NEDD4L: variants seen among roughly 807,000 people sequenced by gnomAD.
NEDD4L encodes the protein NEDD4 like E3 ubiquitin protein ligase, also known as E3 ubiquitin-protein ligase NEDD4-like.
A neutral mutation model predicts 148.9 loss-of-function variants in NEDD4L; 54 were observed. That is an observed-to-expected ratio of 0.36 (90% CI 0.29 to 0.45). The LOEUF (loss-of-function observed/expected upper bound fraction) is 0.45, where lower values mean the gene tolerates loss of function less well. Ranked by LOEUF, NEDD4L falls within the 20% of genes least tolerant of loss-of-function variation. NEDD4L has a pLI of 1.00. For synonymous variants in NEDD4L, 433 were observed against 440.7 expected, an observed-to-expected ratio of 0.98 and a Z score of 0.22; for missense variants, 856 against 1,233.8, an observed-to-expected ratio of 0.69 and a Z score of 4.59.
At chr18:58,306,811 T>C (rs1219213678) in intron 5 of NEDD4L, among the ~76,000 whole-genome samples, 2 of 152,072 alleles carry the variant, frequency 1.3e-5, no homozygotes, top group South Asian at 2.1e-4. Context: ...TTTTTAGTAC[T>C]TTAGTACAGA....
chr18:58,176,908 T>C (rs578149242), intron 2 of NEDD4L, among the ~76,000 whole-genome samples: 6 of 152,286 alleles, frequency 3.9e-5, no homozygotes, highest in African/African-American at 9.6e-5. Context: ...GTCTGACACA[T>C]AGATGTTTGA....
intron 1 of NEDD4L, chr18:58,165,515 TA>T (rs1272456696): frequency 6.8e-6 from 2 of 292,386 alleles, no homozygotes; most frequent in Admixed American, 1.3e-4. Context: ...AAGCTAACTT[TA>T]AATGGCAGGA....
Position 58,204,601 on chromosome 18 carries a change from T to C in NEDD4L, c.122+38740T>C, listed in dbSNP as rs1007381645. ...CCAACCAAATGAATGAGCAGGCGTC[T>C]AAGTAAATGAAAATCACTCTCATCA... On this transcript the variant is annotated intron_variant, in intron 2 of 30. Coordinates refer to ENST00000400345, the MANE Select transcript of NEDD4L (RefSeq NM_001144967.3). 4.6e-5 allele frequency among the ~76,000 whole-genome samples: 7 copies of C among 152,318 alleles called. No individual in the cohort carries two copies. In the South Asian group the frequency reaches 1.5e-3, roughly 32 times the overall value.
chr18:58,349,729 T>A (rs1414389685), intron 17 of NEDD4L, 115 bp downstream of exon 17: 1 of 789,548 alleles, frequency 1.3e-6, no homozygotes, highest in Non-Finnish European at 2.1e-6. Context: ...TGGATCTCAT[T>A]GGTTTGTGTT....
intron 2 of NEDD4L, among the ~76,000 whole-genome samples, chr18:58,226,613 G>T (rs182752033): frequency 1.3e-5 from 2 of 152,176 alleles, no homozygotes; most frequent in East Asian, 3.8e-4. Context: ...GTGAGCAGGG[G>T]CATGAGTTCC....
intron 23 of NEDD4L, 84 bp from the exon 24 acceptor site, chr18:58,373,090 A>G: frequency 1.3e-6 from 1 of 756,270 alleles, no homozygotes; most frequent in Non-Finnish European, 2.4e-6. Flanking sequence ...GCACAGAATT[A>G]CATTAGAATG....
chr18:58,265,224 T>C (rs1600431865), intron 5 of NEDD4L, among the ~76,000 whole-genome samples: 2 of 152,210 alleles, frequency 1.3e-5, no homozygotes, highest in Admixed American at 1.3e-4. Context: ...GGTGGTCATA[T>C]TGGCTCCAAA....
chr18:58,154,695 G>A (rs1406454345), intron 1 of NEDD4L, among the ~76,000 whole-genome samples: 3 of 152,214 alleles, frequency 2.0e-5, no homozygotes, highest in African/African-American at 4.8e-5. Context: ...GCTGAGGCAC[G>A]AGAATCGCTT....
chr18:58,386,922 G>T (rs1050629377), intron 26 of NEDD4L, among the ~76,000 whole-genome samples: 1 of 152,190 alleles, frequency 6.6e-6, no homozygotes, highest in Non-Finnish European at 1.5e-5. Context: ...CTTCAGAAAC[G>T]CGGCGTTCGC....
chr18:58,373,763 A>G (rs987976141), intron 24 of NEDD4L, among the ~76,000 whole-genome samples: 2 of 152,170 alleles, frequency 1.3e-5, no homozygotes, highest in Admixed American at 1.3e-4. Flanking sequence ...CCACGCTGTT[A>G]TTCAGGCTGG....
chr18:58,212,984 A>T (rs1311238275), intron 2 of NEDD4L, among the ~76,000 whole-genome samples: 1 of 152,220 alleles, frequency 6.6e-6, no homozygotes, highest in Non-Finnish European at 1.5e-5. Flanking sequence ...TATGAAAAAT[A>T]GTTCATTTTT....
chr18:58,340,790 C>T (rs2042322089), intron 13 of NEDD4L, among the ~76,000 whole-genome samples: 1 of 152,174 alleles, frequency 6.6e-6, no homozygotes, highest in South Asian at 2.1e-4. Flanking sequence ...ACGTTTGAGA[C>T]TACGGGGTCT....
intron 19 of NEDD4L, among the ~76,000 whole-genome samples, chr18:58,358,480 ACTTTTGACATAACTTTGAAGC>A (rs1297672550): frequency 1.3e-5 from 2 of 152,206 alleles, no homozygotes; most frequent in Non-Finnish European, 2.9e-5. Flanking sequence ...GTGACAGAAG[ACTTTTGACATAACTTTGAAGC>A]CTTTTCAAAA....
intron 5 of NEDD4L, among the ~76,000 whole-genome samples, chr18:58,315,221 CTG>C (rs2058133501): frequency 6.6e-6 from 1 of 152,164 alleles, no homozygotes; most frequent in South Asian, 2.1e-4. Context: ...AGCACCGTAA[CTG>C]AGGGATATAG....
chr18:58,077,372 G>T (rs1346659953), intron 1 of NEDD4L, among the ~76,000 whole-genome samples: 1 of 151,814 alleles, frequency 6.6e-6, no homozygotes, highest in Non-Finnish European at 1.5e-5. Context: ...TTGCCATGTT[G>T]CCCAGGCTGG....
At chr18:58,105,117 T>G (rs1162006689) in intron 1 of NEDD4L, among the ~76,000 whole-genome samples, 1 of 151,880 alleles carries the variant, frequency 6.6e-6, no homozygotes, top group East Asian at 1.9e-4. Flanking sequence ...ATCAGAGCAG[T>G]TTGTGGGATT....
At chr18:58,214,639 G>T (rs905437048) in intron 2 of NEDD4L, among the ~76,000 whole-genome samples, 50 of 135,598 alleles carry the variant, frequency 3.7e-4, no homozygotes, top group African/African-American at 1.3e-3. Flanking sequence ...GTGTGTGTGT[G>T]TGTGTTTTGT....
intron 23 of NEDD4L, chr18:58,372,307 C>T (rs946299276): frequency 1.1e-4 from 16 of 149,008 alleles, no homozygotes; most frequent in Admixed American, 6.0e-4. Flanking sequence ...GTAGTCATGG[C>T]GTCTTGCTAT....
rs1027457833 is a variant in NEDD4L, at chr18:58,280,340, C to T, written c.297+28286C>T. On this transcript the variant is annotated intron_variant, in intron 5 of 30. Transcript: ENST00000400345. ...AGCCCATGCCACTATCTGTGTGTTCCGTGCCACTGTCCATCTGTGTAGGGA... is the reference window on the plus strand; with the variant it reads ...AGCCCATGCCACTATCTGTGTGTTCTGTGCCACTGTCCATCTGTGTAGGGA... 4.6e-5 allele frequency among the ~76,000 whole-genome samples: 7 copies of T among 152,308 alleles called. No individual in the cohort carries two copies. In the East Asian group the frequency reaches 7.7e-4, roughly 17 times the overall value.
Sources: allele counts gnomAD v4.1 joint callset (sites outside exome capture counted in the v4.1 genomes callset), GRCh38; gene constraint gnomAD v4.1.1; transcripts MANE v1.5; gene names NCBI Gene and HGNC (gene_info 2026-07-23, HGNC 2026-07-21).